Variants in HIVEP2 observed in about 807,000 individuals in gnomAD.
HIVEP2 encodes transcription factor HIVEP2.
HIVEP2 carries 14 observed loss-of-function variants against 180.7 expected under a neutral mutation model. That is an observed-to-expected ratio of 0.08 (90% confidence interval 0.05 to 0.12). HIVEP2 has a LOEUF of 0.12. Among genes scored for constraint, HIVEP2 ranks in the 10% least tolerant of loss-of-function variants. The pLI, the probability that HIVEP2 is intolerant of heterozygous loss-of-function variation, is 1.00. For synonymous variants in HIVEP2, 1,184 were observed against 1,136.4 expected (o/e 1.04, Z -0.84); for missense variants, 2,579 against 3,008.5 (o/e 0.86, Z 3.34).
Position 142,769,535 on chromosome 6 carries a change from A to G in HIVEP2, c.5187+17T>C, listed in dbSNP as rs763700447. 6.2e-7 allele frequency: 1 copy of G among 1,608,074 alleles called. No homozygotes were observed. Among genetic ancestry groups the G allele is most frequent in the Non-Finnish European group, 8.5e-7 (1 of 1,175,382 alleles). ...AAATCCACAATACAAAGTTCTTCCT[A>G]AAACAGTATTTGTTACCTGAGTAAA... On this transcript the variant is annotated intron_variant, in intron 5 of 9. Coordinates refer to ENST00000367603, the MANE Select transcript of HIVEP2 (RefSeq NM_006734.4).
At chr6:142,755,350 C>G (rs1775037627) in intron 9 of HIVEP2, among the ~76,000 whole-genome samples, 1 of 152,122 alleles carries the variant, frequency 6.6e-6, no homozygotes, top group South Asian at 2.1e-4. Flanking sequence ...CAAAATCCCC[C>G]TTGTATTTAA....
chr6:142,846,986 C>T (rs1775531411), intron 1 of HIVEP2, among the ~76,000 whole-genome samples: 1 of 152,156 alleles, frequency 6.6e-6, no homozygotes, highest in Admixed American at 6.5e-5. Flanking sequence ...CTTTGAGAAG[C>T]CATGCTGTAA....
At chr6:142,791,596 G>T (rs1776139552) in intron 2 of HIVEP2, among the ~76,000 whole-genome samples, 2 of 152,120 alleles carry the variant, frequency 1.3e-5, no homozygotes, top group South Asian at 4.1e-4. Context: ...CCATCTGCAG[G>T]CTCATTCATT....
chr6:142,894,957 T>C (rs1355840405), intron 1 of HIVEP2, among the ~76,000 whole-genome samples: 1 of 152,208 alleles, frequency 6.6e-6, no homozygotes, highest in Non-Finnish European at 1.5e-5. Flanking sequence ...GAAAGTCGCC[T>C]TGATAATTCA....
At chr6:142,873,330 C>T (rs1003862160) in intron 1 of HIVEP2, among the ~76,000 whole-genome samples, 2 of 152,038 alleles carry the variant, frequency 1.3e-5, no homozygotes, top group Non-Finnish European at 2.9e-5. Flanking sequence ...CTCTACTTTC[C>T]CAAAAGAAGT....
intron 1 of HIVEP2, among the ~76,000 whole-genome samples, chr6:142,870,955 T>A (rs950145119): frequency 2.0e-5 from 3 of 152,148 alleles, no homozygotes; most frequent in Non-Finnish European, 4.4e-5. Context: ...TACCATACCA[T>A]ATAGATATAC....
chr6:142,940,758 C>T (rs1046614853), intron 1 of HIVEP2, among the ~76,000 whole-genome samples: 7 of 152,324 alleles, frequency 4.6e-5, no homozygotes, highest in African/African-American at 1.2e-4. Flanking sequence ...CCAGCAATAA[C>T]AGGGCACCAG....
chr6:142,794,081 C>T (rs747943154), intron 2 of HIVEP2: 1 of 152,118 alleles, frequency 6.6e-6, no homozygotes, highest in Non-Finnish European at 1.5e-5. Context: ...TTTATAGACA[C>T]TACATTTTAA....
chr6:142,774,311 A>G lies in HIVEP2; in HGVS notation c.428T>C (p.Ile143Thr), dbSNP rs976394830. Residue 143 changes from isoleucine to threonine, a missense_variant, in exon 5 of 10, where the codon ATA becomes ACA. This residue lies in a region of HIVEP2 where 207 missense variants were observed against 210.1 expected (regional missense o/e 0.99). Transcript: ENST00000367603. This position sits in a 1 kb window ranked among gnomAD's most constrained non-coding sequence, Gnocchi z 5.1. ...VASEDLFPFP[I>T]HGHSGGYPRK... ...AGGATAACCACCACTGTGGCCATGT[A>G]TAGGAAAAGGAAATAAGTCCTCAGA... 6.2e-7 allele frequency: 1 copy of G among 1,614,194 alleles called. No individual in the cohort carries two copies. Among genetic ancestry groups the G allele is most frequent in the Admixed American group, 1.7e-5 (1 of 60,022 alleles).
At chr6:142,944,411 C>T (rs1778256308) in intron 1 of HIVEP2, among the ~76,000 whole-genome samples, 1 of 149,610 alleles carries the variant, frequency 6.7e-6, no homozygotes, top group African/African-American at 2.5e-5. Context: ...ACATCAGCAC[C>T]CCCTCCCCCA....
chr6:142,828,218 C>G (rs765018696), intron 2 of HIVEP2, among the ~76,000 whole-genome samples: 1 of 152,212 alleles, frequency 6.6e-6, no homozygotes, highest in Non-Finnish European at 1.5e-5. Context: ...CCTCCCTTAG[C>G]TTCCTTGAGA....
chr6:142,945,285 C>T (rs1455356057), upstream of HIVEP2: 1 of 152,460 alleles, frequency 6.6e-6, no homozygotes, highest in Non-Finnish European at 1.5e-5. This position sits in a 1 kb window ranked among gnomAD's most constrained non-coding sequence, Gnocchi z 5.5. Context: ...GGGTATTCCC[C>T]GCATTTCCCC....
chr6:142,857,671 A>G (rs1370878975), intron 1 of HIVEP2, among the ~76,000 whole-genome samples: 1 of 152,176 alleles, frequency 6.6e-6, no homozygotes, highest in Non-Finnish European at 1.5e-5. Flanking sequence ...GAGTGTGGGT[A>G]TTGCTATTTT....
At position 142,764,791 on chromosome 6, in the gene HIVEP2, A is replaced by G. The variant is rs1250665901; in HGVS notation, c.5518+8T>C. The G allele has an allele frequency of 6.2e-7, 1 of 1,612,012 alleles. No homozygotes were observed. Among genetic ancestry groups the G allele is most frequent in the Non-Finnish European group, 8.5e-7 (1 of 1,178,740 alleles). On this transcript the variant is annotated splice_region_variant and intron_variant, in intron 7 of 9. Coordinates refer to ENST00000367603, the MANE Select transcript of HIVEP2 (RefSeq NM_006734.4). ...GTATTTTTCCTCTCAAAAAAATCAGACTTGTACCTTTCGTTTTGAAGGCAA... is the reference window on the plus strand; with the variant it reads ...GTATTTTTCCTCTCAAAAAAATCAGGCTTGTACCTTTCGTTTTGAAGGCAA...
intron 1 of HIVEP2, among the ~76,000 whole-genome samples, chr6:142,838,915 G>GT (rs546810628): frequency 2.9e-4 from 44 of 152,192 alleles, no homozygotes; most frequent in African/African-American, 1.1e-3. Flanking sequence ...TTTTTCACCT[G>GT]TATTGCAGCA....
chr6:142,922,313 C>T (rs1777702406), intron 1 of HIVEP2, among the ~76,000 whole-genome samples: 1 of 152,220 alleles, frequency 6.6e-6, no homozygotes, highest in Non-Finnish European at 1.5e-5. Context: ...TCACCCTCTG[C>T]TTCCCCCTAC....
intron 2 of HIVEP2, among the ~76,000 whole-genome samples, chr6:142,799,705 C>T (rs1231069026): frequency 6.6e-6 from 1 of 152,120 alleles, no homozygotes. Flanking sequence ...TTCTATAATG[C>T]TATCTGAAAC....
chr6:142,836,368 A>T (rs1298664974), intron 2 of HIVEP2, among the ~76,000 whole-genome samples: 1 of 152,182 alleles, frequency 6.6e-6, no homozygotes, highest in Non-Finnish European at 1.5e-5. Context: ...ATTTGCTAAA[A>T]GCCTAAACTC....
At chr6:142,833,793 T>C (rs1467907071) in intron 2 of HIVEP2, among the ~76,000 whole-genome samples, 4 of 152,176 alleles carry the variant, frequency 2.6e-5, no homozygotes, top group African/African-American at 7.2e-5. Context: ...CAAAGGGCAG[T>C]CTTTGTAAGG....
Sources: allele counts gnomAD v4.1 joint callset (sites outside exome capture counted in the v4.1 genomes callset), GRCh38; gene constraint gnomAD v4.1.1; regional missense constraint gnomAD v4.1.1; non-coding constraint Gnocchi (gnomAD v3.1); transcripts MANE v1.5; gene names NCBI Gene and HGNC (gene_info 2026-07-23, HGNC 2026-07-21).